Variants in CCBE1 observed in about 807,000 individuals in gnomAD.
CCBE1 encodes collagen and calcium-binding EGF domain-containing protein 1.
CCBE1 carries 37 observed loss-of-function variants against 50.0 expected under a neutral mutation model. The observed-to-expected ratio is 0.74, with a 90% CI of 0.57 to 0.97. CCBE1 has a LOEUF of 0.97. Among genes scored for constraint, CCBE1 ranks in the 50% least tolerant of loss-of-function variants. The pLI, the probability that CCBE1 is intolerant of heterozygous loss-of-function variation, is 0.00. For missense variants in CCBE1, 538 were observed against 523.8 expected (o/e 1.03, Z -0.26); for synonymous variants, 234 against 203.7 (o/e 1.15, Z -1.27).
At chr18:59,454,454 T>G (rs1911084574) in intron 6 of CCBE1, among the ~76,000 whole-genome samples, 1 of 152,248 alleles carries the variant, frequency 6.6e-6, no homozygotes, top group Admixed American at 6.5e-5. Flanking sequence ...CCATGTTAGC[T>G]AGGCTGGTCT....
chr18:59,464,531 C>A (rs1911651069), intron 5 of CCBE1, among the ~76,000 whole-genome samples: 2 of 152,250 alleles, frequency 1.3e-5, no homozygotes, highest in Non-Finnish European at 2.9e-5. Context: ...CCTATGAACA[C>A]CCCTGGGCAG....
At chr18:59,463,633 C>G (rs12970005) in intron 5 of CCBE1, among the ~76,000 whole-genome samples, 11 of 151,480 alleles carry the variant, frequency 7.3e-5, no homozygotes, top group African/African-American at 2.7e-4. Context: ...TTGGTCTCCC[C>G]GCAGGCCACT....
intron 2 of CCBE1, among the ~76,000 whole-genome samples, chr18:59,560,385 T>A (rs62092931): frequency 0.11 from 17,247 of 151,972 alleles, 1,325 homozygotes; most frequent in East Asian, 0.4. Flanking sequence ...CACTCATAAG[T>A]GGGAGTTGAA....
At chr18:59,537,050 A>G (rs1373615867) in intron 2 of CCBE1, among the ~76,000 whole-genome samples, 2 of 152,170 alleles carry the variant, frequency 1.3e-5, no homozygotes, top group Non-Finnish European at 2.9e-5. Context: ...AACTAGAAAA[A>G]GCAAAGTTAA....
Position 59,611,565 on chromosome 18 carries a change from C to T in CCBE1, c.212+85064G>A, listed in dbSNP as rs1320540586. Among the ~76,000 whole-genome samples the T allele has an allele frequency of 3.9e-5, 6 of 152,084 alleles. No individual in the cohort carries two copies. In the South Asian group the frequency reaches 6.2e-4, roughly 16 times the overall value. ...TTTGAGATCAGCCTGGCCAACATGG[C>T]GAAACCCCATCTGTACTAAAAATAC... On this transcript the variant is annotated intron_variant, in intron 2 of 10. Coordinates refer to ENST00000439986, the MANE Select transcript of CCBE1 (RefSeq NM_133459.4).
At chr18:59,582,873 C>T (rs1166730733) in intron 2 of CCBE1, among the ~76,000 whole-genome samples, 1 of 152,216 alleles carries the variant, frequency 6.6e-6, no homozygotes, top group Non-Finnish European at 1.5e-5. Flanking sequence ...AGTGCAGTGG[C>T]ACTATCATAG....
At chr18:59,683,564 GGC>G (rs1187866171) in intron 2 of CCBE1, among the ~76,000 whole-genome samples, 5 of 152,096 alleles carry the variant, frequency 3.3e-5, no homozygotes, top group African/African-American at 1.2e-4. Context: ...CAGGAGTGGT[GGC>G]GCACGCCTGT....
intron 2 of CCBE1, among the ~76,000 whole-genome samples, chr18:59,487,144 C>T (rs532356500): frequency 2.7e-5 from 4 of 148,620 alleles, no homozygotes; most frequent in East Asian, 3.9e-4. Context: ...GTGGCTTCCT[C>T]GCACTGTCAA....
chr18:59,531,999 A>G (rs1428646225), intron 2 of CCBE1, among the ~76,000 whole-genome samples: 2 of 152,214 alleles, frequency 1.3e-5, no homozygotes, highest in African/African-American at 2.4e-5. Flanking sequence ...GTATTTCCCT[A>G]TCATTTCCAT....
intron 2 of CCBE1, among the ~76,000 whole-genome samples, chr18:59,647,887 G>A (rs979572977): frequency 6.6e-6 from 1 of 152,058 alleles, no homozygotes; most frequent in Admixed American, 6.6e-5. Flanking sequence ...TTGTGTAGGA[G>A]GGAGACACAC....
At chr18:59,599,145 C>A (rs1314334566) in intron 2 of CCBE1, among the ~76,000 whole-genome samples, 1 of 151,764 alleles carries the variant, frequency 6.6e-6, no homozygotes, top group Non-Finnish European at 1.5e-5. Context: ...CCCAATGAGT[C>A]TTGAGTCATA....
At chr18:59,467,799 C>A (rs1245405172) in intron 4 of CCBE1, among the ~76,000 whole-genome samples, 1 of 152,184 alleles carries the variant, frequency 6.6e-6, no homozygotes, top group Non-Finnish European at 1.5e-5. Flanking sequence ...AACAACTTCC[C>A]AGCCACTCCC....
At chr18:59,561,580 A>G (rs933995030) in intron 2 of CCBE1, among the ~76,000 whole-genome samples, 2 of 152,212 alleles carry the variant, frequency 1.3e-5, no homozygotes, top group African/African-American at 2.4e-5. Flanking sequence ...TGTAAAAGGT[A>G]TAACTGCCCT....
rs191958053 is a variant in CCBE1 at position 59,607,534 on chromosome 18, T to A, written c.212+89095A>T. The stretch of plus-strand genomic sequence containing the variant: ...GAAGCATCATCATGACATAGTCCCA[T>A]AAATCACACTACACAAAAAGGAACT... On this transcript the variant is annotated intron_variant, in intron 2 of 10. Transcript: ENST00000439986. 1.4e-3 allele frequency among the ~76,000 whole-genome samples: 216 copies of A among 152,346 alleles called. 4 individuals carry two copies. The Middle Eastern group carries it at 0.027, about 19-fold the overall frequency.
chr18:59,533,393 C>T (rs1420839987), intron 2 of CCBE1, among the ~76,000 whole-genome samples: 1 of 152,150 alleles, frequency 6.6e-6, no homozygotes, highest in Non-Finnish European at 1.5e-5. Context: ...TCACTAAATT[C>T]TCCCATAAAA....
chr18:59,574,345 T>C (rs1395277818), intron 2 of CCBE1, among the ~76,000 whole-genome samples: 1 of 152,228 alleles, frequency 6.6e-6, no homozygotes, highest in African/African-American at 2.4e-5. Context: ...AGATGTGAAA[T>C]GTAAGCTCAC....
rs1345841813 is a variant in CCBE1 at position 59,435,734 on chromosome 18, G to A, written c.*174C>T. The stretch of plus-strand genomic sequence containing the variant: ...CTCCCTCATGTCTGCAGGCCTAGGA[G>A]GGGACTCTGAAAATAGCATCGTATT... On this transcript the variant is annotated 3_prime_UTR_variant, in exon 11 of 11. Transcript: ENST00000439986. 2 of 709,814 alleles carry A rather than the reference G, an allele frequency of 2.8e-6. No individual in the cohort carries two copies. Among genetic ancestry groups the A allele is most frequent in the Admixed American group, 2.1e-5 (1 of 48,176 alleles). 44.0% of individuals were successfully genotyped at this position (709,814 alleles called of 1,614,324 possible).
intron 2 of CCBE1, among the ~76,000 whole-genome samples, chr18:59,481,166 A>G (rs1243426849): frequency 6.6e-6 from 1 of 152,232 alleles, no homozygotes; most frequent in African/African-American, 2.4e-5. Context: ...AAATTATAGA[A>G]CTGACAAATA....
At chr18:59,459,564 G>A (rs1911361788) in intron 5 of CCBE1, among the ~76,000 whole-genome samples, 1 of 152,166 alleles carries the variant, frequency 6.6e-6, no homozygotes, top group African/African-American at 2.4e-5. Flanking sequence ...ATGGGGGCAT[G>A]AAGCTCTAAT....
Sources: allele counts gnomAD v4.1 joint callset (sites outside exome capture counted in the v4.1 genomes callset), GRCh38; gene constraint gnomAD v4.1.1; transcripts MANE v1.5; gene names NCBI Gene and HGNC (gene_info 2026-07-23, HGNC 2026-07-21).